Variants in NCBP2L observed in about 807,000 individuals in gnomAD.
The protein encoded by NCBP2L is nuclear cap-binding protein subunit 2-like.
For synonymous variants in NCBP2L, 39 were observed against 19.2 expected (o/e 2.04, Z -2.70); for missense variants, 95 against 53.1 (o/e 1.79, Z -2.45).
chrX:107,791,250 C>CTT (rs904532189), intron 1 of NCBP2L, among the ~76,000 whole-genome samples: 3 of 105,861 alleles, frequency 2.8e-5, no homozygotes, highest in Non-Finnish European at 2.0e-5. Context: ...TACATTTATA[C>CTT]TTTTTTTTTT....
intron 1 of NCBP2L, among the ~76,000 whole-genome samples, chrX:107,778,946 G>A (rs1003541363): frequency 6.3e-5 from 7 of 111,338 alleles, no homozygotes; most frequent in Non-Finnish European, 1.3e-4. Flanking sequence ...GGGGGAATAG[G>A]GGGTGGCATG....
At chrX:107,784,028 G>A (rs1930363946) in intron 1 of NCBP2L, among the ~76,000 whole-genome samples, 1 of 111,156 alleles carries the variant, frequency 9.0e-6, no homozygotes, top group South Asian at 3.8e-4. Flanking sequence ...GTAAAGGAAG[G>A]CTTCCTAGAG....
chrX:107,791,385 T>C (rs1398858752), intron 1 of NCBP2L, among the ~76,000 whole-genome samples: 1 of 111,183 alleles, frequency 9.0e-6, no homozygotes, highest in Non-Finnish European at 1.9e-5. Flanking sequence ...GCTGGGACTA[T>C]AGTCACATGC....
chrX:107,788,656 T>A (rs1930414742), intron 1 of NCBP2L, among the ~76,000 whole-genome samples: 1 of 112,545 alleles, frequency 8.9e-6, no homozygotes, highest in Non-Finnish European at 1.9e-5. Context: ...TGCCACTCCT[T>A]GTGATGGTCT....
In NCBP2L at chrX:107,794,426, T is replaced by C. The variant is rs749989861; in HGVS notation, c.206T>C (p.Met69Thr). The stretch of plus-strand genomic sequence containing the variant: ...AGATCTGATATCAGGAATATCTTTA[T>C]GGGCCTGGATAAAATAAAGAAAACA... Reference protein sequence around the residue: ...FSRSDIRNIFMGLDKIKKTAC... With the variant: ...FSRSDIRNIFTGLDKIKKTAC... Residue 69 changes from methionine to threonine, a missense_variant, in exon 2 of 2, where the codon ATG becomes ACG. By Grantham distance (81) the Met-to-Thr change is moderately conservative. Coordinates refer to ENST00000509000, the MANE Select transcript of NCBP2L (RefSeq NM_001348372.2). 1.8e-5 allele frequency: 10 copies of C among 568,921 alleles called. No individual in the cohort carries two copies. In the South Asian group the frequency reaches 2.2e-4, roughly 13 times the overall value. 46.9% of individuals were successfully genotyped at this position (568,921 alleles called of 1,213,427 possible). A position where few individuals can be genotyped will look rare whatever the true frequency, so the allele number is the denominator to read the frequency against.
intron 1 of NCBP2L, among the ~76,000 whole-genome samples, chrX:107,787,881 A>C (rs894365676): frequency 2.1e-4 from 24 of 112,451 alleles, no homozygotes; most frequent in African/African-American, 7.1e-4. Flanking sequence ...CAATCCCAGC[A>C]TTAGTTTAAG....
chrX:107,780,836 C>T (rs1256001927), intron 1 of NCBP2L, among the ~76,000 whole-genome samples: 10 of 109,284 alleles, frequency 9.2e-5, no homozygotes, highest in African/African-American at 3.3e-4. Context: ...CTCCATGTTG[C>T]CCAGGCTGGT....
At chrX:107,779,146 G>A (rs1318539221) in intron 1 of NCBP2L, among the ~76,000 whole-genome samples, 2 of 112,062 alleles carry the variant, frequency 1.8e-5, no homozygotes, top group Non-Finnish European at 3.8e-5. Flanking sequence ...TATAGTTATA[G>A]AAGTGCTTGT....
intron 1 of NCBP2L, among the ~76,000 whole-genome samples, chrX:107,782,943 GTA>G (rs750369702): frequency 1.2e-4 from 13 of 104,815 alleles, no homozygotes; most frequent in East Asian, 8.8e-4. Flanking sequence ...ATACATGTGT[GTA>G]TATATATATA....
At chrX:107,793,851 G>T (rs1037899536) in intron 1 of NCBP2L, among the ~76,000 whole-genome samples, 3 of 112,229 alleles carry the variant, frequency 2.7e-5, no homozygotes, top group Non-Finnish European at 5.6e-5. Flanking sequence ...ACTGTTTTAT[G>T]CCATATTTTC....
chrX:107,778,179 T>G (rs1055923311), intron 1 of NCBP2L, among the ~76,000 whole-genome samples: 2 of 112,006 alleles, frequency 1.8e-5, no homozygotes, highest in African/African-American at 6.5e-5. Flanking sequence ...TATAGCAAAA[T>G]ATATTAGACC....
chrX:107,793,951 T>C (rs1382215440), intron 1 of NCBP2L, among the ~76,000 whole-genome samples, 198 bp from the exon 2 acceptor site: 2 of 112,332 alleles, frequency 1.8e-5, no homozygotes, highest in Non-Finnish European at 3.8e-5. Context: ...AACTTCCCTT[T>C]CAGGAAGACT....
chrX:107,781,692 C>CTCTCTCTCTATATATATA (rs1395038482), intron 1 of NCBP2L, among the ~76,000 whole-genome samples: 69 of 66,907 alleles, frequency 1.0e-3, no homozygotes, highest in African/African-American at 1.5e-3. Context: ...CTCTCTCTCT[C>CTCTCTCTCTATATATATA]TATATATATA....
intron 1 of NCBP2L, among the ~76,000 whole-genome samples, chrX:107,781,650 TCATCTATCTATC>T (rs1371601234): frequency 1.1e-3 from 57 of 50,730 alleles, no homozygotes; most frequent in Admixed American, 2.7e-3. Flanking sequence ...TATCTATCTA[TCATCTATCTATC>T]TATCTATCTA....
rs1569457266 is a variant in NCBP2L at position 107,782,252 on chromosome X, TATATATATAA to T, written c.-73+4404_-73+4413del. On this transcript the variant is annotated intron_variant, in intron 1 of 1. Transcript: ENST00000509000. Reference sequence around the variant, plus strand: ...ATATATATAAATATATATATATAAATATATATATAAATATATATATATAAATATATATAAA... The same window carrying T: ...ATATATATAAATATATATATATAAATATATATATATATAAATATATATAAA... Among the ~76,000 whole-genome samples, 112 of 20,086 alleles carry T rather than the reference TATATATATAA, an allele frequency of 5.6e-3. 20 individuals carry two copies. The highest frequency in any genetic ancestry group is 0.044 in the African/African-American group (110 of 2,483). 17.4% of individuals were successfully genotyped at this position (20,086 alleles called of 115,157 possible). A position where few individuals can be genotyped will look rare whatever the true frequency, so the allele number is the denominator to read the frequency against.
At chrX:107,787,140 T>A (rs892865016) in intron 1 of NCBP2L, among the ~76,000 whole-genome samples, 55 of 111,988 alleles carry the variant, frequency 4.9e-4, no homozygotes, top group African/African-American at 1.7e-3. Context: ...GGGAGGGGCC[T>A]GAGATCCTGC....
At chrX:107,791,994 G>A (rs1256100318) in intron 1 of NCBP2L, among the ~76,000 whole-genome samples, 2 of 112,190 alleles carry the variant, frequency 1.8e-5, no homozygotes, top group African/African-American at 6.5e-5. Flanking sequence ...ACTACTGGGT[G>A]CCTAGCTCAA....
intron 1 of NCBP2L, among the ~76,000 whole-genome samples, chrX:107,787,072 C>T (rs145580024): frequency 0.018 from 2,038 of 111,601 alleles, 41 homozygotes; most frequent in African/African-American, 0.063. Flanking sequence ...TCAAACTGTA[C>T]TGTGCACTCA....
At chrX:107,781,664 A>ATCTCTCTCTCTCTC (rs1306466951) in intron 1 of NCBP2L, among the ~76,000 whole-genome samples, 7 of 65,418 alleles carry the variant, frequency 1.1e-4, no homozygotes, top group African/African-American at 2.1e-4. Context: ...CTATCTATCT[A>ATCTCTCTCTCTCTC]TCTATCTATC....
Sources: allele counts gnomAD v4.1 joint callset (sites outside exome capture counted in the v4.1 genomes callset), GRCh38; gene constraint gnomAD v4.1.1; transcripts MANE v1.5; gene names NCBI Gene and HGNC (gene_info 2026-07-23, HGNC 2026-07-21).